The following VPS13A variants were observed in gnomAD, a reference collection of about 807,000 sequenced individuals.
VPS13A encodes intermembrane lipid transfer protein VPS13A.
A neutral mutation model predicts 390.9 loss-of-function variants in VPS13A; 264 were observed. That is an observed-to-expected ratio of 0.68 (90% CI 0.61 to 0.75). The LOEUF is 0.75. VPS13A is among the 30% of genes least tolerant of loss of function. VPS13A has a pLI of 0.00. For synonymous variants in VPS13A, 1,231 were observed against 1,227.1 expected (o/e 1.00, Z -0.07); for missense variants, 3,409 against 3,733.9 (o/e 0.91, Z 2.27).
At chr9:77,337,153 T>C in intron 46 of VPS13A, 102 bp from the exon 47 acceptor site, 1 of 1,152,362 alleles carries the variant, frequency 8.7e-7, no homozygotes, top group Non-Finnish European at 1.2e-6. Context: ...TGTACTACAA[T>C]ATTATGAAAG....
At chr9:77,390,267 C>T (rs951698365) in intron 68 of VPS13A, 3 of 249,970 alleles carry the variant, frequency 1.2e-5, no homozygotes, top group Admixed American at 6.5e-5. Flanking sequence ...TTGTGTTATC[C>T]AGGCAAATTA....
intron 31 of VPS13A, among the ~76,000 whole-genome samples, chr9:77,286,810 A>T (rs1437866440): frequency 6.6e-6 from 1 of 152,200 alleles, no homozygotes; most frequent in Non-Finnish European, 1.5e-5. Flanking sequence ...GAAAAATACT[A>T]TTAAGTATAA....
chr9:77,323,040 A>G, intron 44 of VPS13A, 27 bp from the exon 45 acceptor site: 1 of 1,545,628 alleles, frequency 6.5e-7, no homozygotes, highest in Non-Finnish European at 8.9e-7. Context: ...TATAATAAAA[A>G]CTTTTAAACA....
chr9:77,416,174 A>C lies in VPS13A; in HGVS notation c.*168A>C, dbSNP rs1047970517. 2 of 746,126 alleles carry C rather than the reference A, an allele frequency of 2.7e-6. No homozygotes were observed. The highest frequency in any genetic ancestry group is 1.7e-5 in the South Asian group (1 of 57,276). 46.2% of individuals were successfully genotyped at this position (746,126 alleles called of 1,614,324 possible). On this transcript the variant is annotated 3_prime_UTR_variant, in exon 72 of 72. Coordinates refer to ENST00000360280, the MANE Select transcript of VPS13A (RefSeq NM_033305.3). ...AACAAAAACAAAAAAACAAAACCAG[A>C]ATCAGGTAAAACAGCTATGTGATTA...
chr9:77,238,187 A>T lies in VPS13A; in HGVS notation c.1781A>T (p.Asp594Val). 1 of 1,612,892 alleles carries T rather than the reference A, an allele frequency of 6.2e-7. No individual in the cohort carries two copies. The highest frequency in any genetic ancestry group is 1.1e-5 in the South Asian group (1 of 90,972). The part of the protein sequence containing the change: ...IEAEPLEIIY[D>V]ARTVNSIVEF... Reference sequence around the variant, plus strand: ...GCTGAACCTTTAGAAATCATATATGATGCAGTAAGCATTTTTTTAAATTAC... The same window carrying T: ...GCTGAACCTTTAGAAATCATATATGTTGCAGTAAGCATTTTTTTAAATTAC... The change falls in exon 18 of 72, where the codon GAT becomes GTT. Residue 594 changes from aspartate (D) to valine (V), a missense_variant. Transcript: ENST00000360280.
At chr9:77,224,894 G>GC (rs1264945314) in intron 13 of VPS13A, among the ~76,000 whole-genome samples, 9 of 152,172 alleles carry the variant, frequency 5.9e-5, no homozygotes, top group African/African-American at 2.2e-4. Context: ...TTAAGAGATT[G>GC]CAATAGCCAC....
intron 33 of VPS13A, among the ~76,000 whole-genome samples, chr9:77,296,580 C>T (rs898573151): frequency 6.6e-6 from 1 of 151,996 alleles, no homozygotes; most frequent in African/African-American, 2.4e-5. Context: ...TCCTATGAGT[C>T]TGTCTTTCCC....
intron 68 of VPS13A, chr9:77,395,572 A>C (rs779740099): frequency 1.3e-5 from 2 of 152,206 alleles, no homozygotes; most frequent in Non-Finnish European, 2.9e-5. Flanking sequence ...TGCTTGATGC[A>C]GAGTTGCCAT....
chr9:77,312,124 A>G (rs1448633754), intron 35 of VPS13A, among the ~76,000 whole-genome samples: 1 of 152,192 alleles, frequency 6.6e-6, no homozygotes, highest in Non-Finnish European at 1.5e-5. Context: ...AATTAAACCC[A>G]AAGTAAATGA....
intron 55 of VPS13A, 47 bp downstream of exon 55, chr9:77,356,914 G>A (rs371738583): frequency 1.6e-4 from 258 of 1,601,228 alleles, no homozygotes; most frequent in Non-Finnish European, 1.7e-4. Context: ...TTTGCCTGTC[G>A]TAGTTTGGTG....
intron 53 of VPS13A, 130 bp downstream of exon 53, chr9:77,351,576 G>C: frequency 1.7e-6 from 2 of 1,185,166 alleles, no homozygotes; most frequent in Non-Finnish European, 1.2e-6. Context: ...TTGGAGATCA[G>C]CCTGGCCAAT....
intron 31 of VPS13A, among the ~76,000 whole-genome samples, chr9:77,291,323 T>G (rs969662019): frequency 2.0e-5 from 3 of 152,150 alleles, no homozygotes; most frequent in African/African-American, 7.2e-5. Flanking sequence ...GCCCCACTTT[T>G]GTGGAAAAAT....
chr9:77,353,604 T>C lies in VPS13A; in HGVS notation c.7615T>C (p.Tyr2539His). The C allele has an allele frequency of 6.2e-7, 1 of 1,613,496 alleles. No individual in the cohort carries two copies. Among genetic ancestry groups the C allele is most frequent in the Non-Finnish European group, 8.5e-7 (1 of 1,179,592 alleles). ...TGTTGGAATTTCTCTTGTCAACAAT[T>C]ACACGAAGCAAGAAGTAGCCTATAT... ...QDVGISLVNNYTKQEVAYIGI... is the reference protein window; with the variant it reads ...QDVGISLVNNHTKQEVAYIGI... The change falls in exon 54 of 72, where the codon TAC becomes CAC. Residue 2539 changes from tyrosine to histidine, a missense_variant. Physicochemically the swap from Tyr to His is moderately conservative, Grantham distance 83. Around this residue, in one of 5 missense-constraint regions of VPS13A, gnomAD observed 221 missense variants for 300.7 expected, o/e 0.73. Transcript: ENST00000360280.
intron 33 of VPS13A, among the ~76,000 whole-genome samples, chr9:77,300,459 C>T (rs917226357): frequency 4.6e-5 from 7 of 152,130 alleles, no homozygotes; most frequent in Admixed American, 2.0e-4. Context: ...TTGCTGGGCA[C>T]GTTGGCTTAC....
Position 77,368,167 on chromosome 9 carries a change from G to C in VPS13A, c.8553+31G>C, listed in dbSNP as rs72746094. On this transcript the variant is annotated intron_variant, in intron 62 of 71. Coordinates refer to ENST00000360280, the MANE Select transcript of VPS13A (RefSeq NM_033305.3). ...TCTAAGATTATATTACAGAGGGACA[G>C]AGTGATACAGACTGGTAAAACCTTT... 0.081 allele frequency: 127,317 copies of C among 1,564,762 alleles called. 5,856 individuals carry two copies. Among genetic ancestry groups the C allele is most frequent in the South Asian group, 0.13 (11,132 of 88,638 alleles).
In VPS13A at chr9:77,339,675, T is replaced by A; in HGVS notation, c.6538T>A (p.Phe2180Ile). Reference protein sequence around the residue: ...HIKPNQQDISFVSFTCVTEME... With the variant: ...HIKPNQQDISIVSFTCVTEME... Reference sequence around the variant, plus strand: ...AAAGCCTAATCAGCAAGACATTAGTTTTGTCAGTTTTACTTGTGTTACAGA... The same window carrying A: ...AAAGCCTAATCAGCAAGACATTAGTATTGTCAGTTTTACTTGTGTTACAGA... The change falls in exon 48 of 72, where the codon TTT becomes ATT. Residue 2180 changes from phenylalanine (F) to isoleucine (I), a missense_variant. Physicochemically the swap from Phe to Ile is conservative, Grantham distance 21 (BLOSUM62 0). Coordinates refer to ENST00000360280, the MANE Select transcript of VPS13A (RefSeq NM_033305.3). 1 of 1,614,008 alleles carries A rather than the reference T, an allele frequency of 6.2e-7. No individual in the cohort carries two copies. The highest frequency in any genetic ancestry group is 8.5e-7 in the Non-Finnish European group (1 of 1,179,966).
chr9:77,286,283 C>G (rs756634483), intron 31 of VPS13A, among the ~76,000 whole-genome samples: 1 of 152,052 alleles, frequency 6.6e-6, no homozygotes, highest in African/African-American at 2.4e-5. Context: ...GATGGGACAT[C>G]GGGGAGGCAA....
intron 50 of VPS13A, among the ~76,000 whole-genome samples, chr9:77,343,114 C>T (rs1587623964): frequency 6.6e-6 from 1 of 152,234 alleles, no homozygotes; most frequent in East Asian, 1.9e-4. Flanking sequence ...TAAAGAGGTC[C>T]TGCAGGAGCT....
chr9:77,363,375 T>C (rs1026163024), intron 59 of VPS13A, among the ~76,000 whole-genome samples: 2 of 151,014 alleles, frequency 1.3e-5, no homozygotes, highest in South Asian at 2.1e-4. Flanking sequence ...TCTACTGATA[T>C]GTTTTATTAC....
Sources: allele counts gnomAD v4.1 joint callset (sites outside exome capture counted in the v4.1 genomes callset), GRCh38; gene constraint gnomAD v4.1.1; regional missense constraint gnomAD v4.1.1; transcripts MANE v1.5; gene names NCBI Gene and HGNC (gene_info 2026-07-23, HGNC 2026-07-21).